The following BMPR1B variants were observed in gnomAD, a reference collection of about 807,000 sequenced individuals.
BMPR1B encodes the protein bone morphogenetic protein receptor type-1B.
In BMPR1B, 12 loss-of-function variants were observed where a neutral mutation model predicts 59.1. The ratio of observed to expected loss-of-function variants is 0.20; its 90% CI spans 0.13 to 0.33. The LOEUF (loss-of-function observed/expected upper bound fraction) is 0.33. BMPR1B is among the 10% of genes least tolerant of loss of function. The pLI, the probability that BMPR1B is intolerant of heterozygous loss-of-function variation, is 1.00. For synonymous variants in BMPR1B, 237 were observed against 207.3 expected, an observed-to-expected ratio of 1.14 and a Z score of -1.23; for missense variants, 550 against 610.9, an observed-to-expected ratio of 0.90 and a Z score of 1.05.
In BMPR1B at chr4:94,772,705, ATTATAT is replaced by A. The variant is rs556205596; in HGVS notation, c.-183+14642_-183+14647del. Among the ~76,000 whole-genome samples the A allele has an allele frequency of 3.0e-4, 46 of 152,286 alleles. No individual in the cohort carries two copies. The East Asian group carries it at 8.3e-3, about 27-fold the overall frequency. On this transcript the variant is annotated intron_variant, in intron 1 of 12. Coordinates refer to ENST00000515059, the MANE Select transcript of BMPR1B (RefSeq NM_001203.3). ...AAATATAATTTTTCCATTATGGAAA[ATTATAT>A]TTATGTTGAACATAAATAATCAGAT...
intron 1 of BMPR1B, among the ~76,000 whole-genome samples, chr4:94,770,186 G>GTTTTTTTTTTTTTTTTTTTTTTTTTT (rs56902521): frequency 9.2e-5 from 5 of 54,132 alleles, no homozygotes; most frequent in South Asian, 5.6e-4. Flanking sequence ...TTCTGTGTTT[G>GTTTTTTTTTTTTTTTTTTTTTTTTTT]TTTTTTTTTT....
At chr4:94,851,190 A>G (rs540204654) in intron 1 of BMPR1B, among the ~76,000 whole-genome samples, 4 of 152,196 alleles carry the variant, frequency 2.6e-5, no homozygotes, top group Non-Finnish European at 4.4e-5. Flanking sequence ...AGTCAGACCA[A>G]GATAGTTACC....
At chr4:94,915,003 T>A (rs1290999634) in intron 2 of BMPR1B, among the ~76,000 whole-genome samples, 1 of 152,142 alleles carries the variant, frequency 6.6e-6, no homozygotes, top group Admixed American at 6.6e-5. Context: ...AAAATTTTGA[T>A]CATTCAGAAT....
chr4:95,041,862 T>G (rs1007761829), intron 3 of BMPR1B, among the ~76,000 whole-genome samples: 1 of 149,694 alleles, frequency 6.7e-6, no homozygotes, highest in Non-Finnish European at 1.5e-5. Context: ...ATCCAAAACT[T>G]TTTTTTTTTT....
intron 2 of BMPR1B, among the ~76,000 whole-genome samples, chr4:94,977,342 T>C (rs1456262652): frequency 6.6e-6 from 1 of 152,224 alleles, no homozygotes; most frequent in African/African-American, 2.4e-5. Flanking sequence ...CCCTTACTTT[T>C]ATTTGTAAAC....
intron 2 of BMPR1B, among the ~76,000 whole-genome samples, chr4:94,961,551 C>G (rs1303174953): frequency 1.3e-5 from 2 of 152,116 alleles, no homozygotes; most frequent in African/African-American, 2.4e-5. Context: ...TTATTAAAAG[C>G]TTCCTTAAAT....
chr4:95,090,006 C>T (rs559054441), intron 3 of BMPR1B, among the ~76,000 whole-genome samples: 1 of 152,002 alleles, frequency 6.6e-6, no homozygotes, highest in Non-Finnish European at 1.5e-5. Flanking sequence ...TTCTTTCATT[C>T]GGCCTCAGGG....
intron 1 of BMPR1B, among the ~76,000 whole-genome samples, chr4:94,787,526 G>C (rs4431232): frequency 0.78 from 117,999 of 152,044 alleles, 45,915 homozygotes; most frequent in Middle Eastern, 0.84. Flanking sequence ...GCTAAGTTTC[G>C]CCAGTTTATT....
At chr4:95,138,134 TGTAAA>T (rs1263601898) in intron 10 of BMPR1B, among the ~76,000 whole-genome samples, 1 of 152,210 alleles carries the variant, frequency 6.6e-6, no homozygotes, top group Non-Finnish European at 1.5e-5. Context: ...TTTGCTTGTC[TGTAAA>T]GTATTTTATT....
chr4:95,058,218 C>T (rs541309099), intron 3 of BMPR1B, among the ~76,000 whole-genome samples: 6 of 152,226 alleles, frequency 3.9e-5, no homozygotes, highest in Non-Finnish European at 8.8e-5. Flanking sequence ...TGTTATACAT[C>T]GTTCATTCAA....
intron 3 of BMPR1B, among the ~76,000 whole-genome samples, chr4:95,067,824 A>G (rs1190481441): frequency 4.6e-5 from 7 of 152,204 alleles, no homozygotes; most frequent in Non-Finnish European, 8.8e-5. Context: ...ATTTAAGGAA[A>G]ACATTCCCAG....
chr4:95,144,236 G>A (rs201985752), intron 10 of BMPR1B, among the ~76,000 whole-genome samples: 11 of 152,198 alleles, frequency 7.2e-5, no homozygotes, highest in African/African-American at 2.6e-4. Context: ...GTGCAGTGGT[G>A]TGATCTTGGC....
chr4:94,840,785 G>C (rs1444118319), intron 1 of BMPR1B, among the ~76,000 whole-genome samples: 1 of 148,848 alleles, frequency 6.7e-6, no homozygotes, highest in Non-Finnish European at 1.5e-5. Flanking sequence ...TCTCCGTCCA[G>C]CTTTGTTCCG....
At chr4:94,883,483 T>C (rs1451988805) in intron 2 of BMPR1B, among the ~76,000 whole-genome samples, 1 of 152,188 alleles carries the variant, frequency 6.6e-6, no homozygotes, top group East Asian at 1.9e-4. Context: ...CATTTCTTTG[T>C]TGTTTACACC....
At chr4:95,120,665 T>TTCCTTCCTTC (rs1283539480) in intron 6 of BMPR1B, among the ~76,000 whole-genome samples, 35 of 144,832 alleles carry the variant, frequency 2.4e-4, no homozygotes, top group African/African-American at 7.7e-4. Context: ...CTTCCTTCCT[T>TTCCTTCCTTC]CTTCTTTCTT....
At chr4:94,833,490 C>T (rs1724682663) in intron 1 of BMPR1B, among the ~76,000 whole-genome samples, 1 of 152,130 alleles carries the variant, frequency 6.6e-6, no homozygotes, top group East Asian at 1.9e-4. Flanking sequence ...TATTATCTCT[C>T]ATGAAATGCT....
intron 2 of BMPR1B, among the ~76,000 whole-genome samples, chr4:94,929,776 G>A (rs374268841): frequency 2.7e-4 from 41 of 151,944 alleles, no homozygotes; most frequent in African/African-American, 9.4e-4. Context: ...AGATCCTCAC[G>A]TCCTATGATT....
At chr4:94,989,270 T>G (rs1483650822) in intron 2 of BMPR1B, among the ~76,000 whole-genome samples, 1 of 151,746 alleles carries the variant, frequency 6.6e-6, no homozygotes, top group Non-Finnish European at 1.5e-5. Context: ...GTGCCTATAG[T>G]CCCAGCTCCT....
At chr4:95,056,579 T>G (rs1381227111) in intron 3 of BMPR1B, among the ~76,000 whole-genome samples, 1 of 152,212 alleles carries the variant, frequency 6.6e-6, no homozygotes, top group African/African-American at 2.4e-5. Flanking sequence ...TGTCTCTCTC[T>G]GAGGGCCTTG....
Sources: allele counts gnomAD v4.1 joint callset (sites outside exome capture counted in the v4.1 genomes callset), GRCh38; gene constraint gnomAD v4.1.1; transcripts MANE v1.5; gene names NCBI Gene and HGNC (gene_info 2026-07-23, HGNC 2026-07-21).